The following ANGPT1 variants were observed in gnomAD, a reference collection of about 807,000 sequenced individuals.
ANGPT1 encodes the protein angiopoietin 1.
In ANGPT1, 17 loss-of-function variants were observed where a neutral mutation model predicts 62.2. That is an observed-to-expected ratio of 0.27 (90% CI 0.19 to 0.41). The LOEUF (loss-of-function observed/expected upper bound fraction) is 0.41. ANGPT1 is among the 10% of genes least tolerant of loss of function. The probability of loss-of-function intolerance (pLI) is 1.00; values close to 1 mark genes in which losing one functional copy is unlikely to be tolerated. For synonymous variants in ANGPT1, 199 were observed against 198.9 expected, an observed-to-expected ratio of 1.00 and a Z score of 0.00; for missense variants, 478 against 594.9, an observed-to-expected ratio of 0.80 and a Z score of 2.04.
At chr8:107,482,703 A>C (rs558170580) in intron 1 of ANGPT1, among the ~76,000 whole-genome samples, 55 of 152,318 alleles carry the variant, frequency 3.6e-4, no homozygotes, top group South Asian at 2.3e-3. Context: ...ACCTTGTTAA[A>C]TTAAAAAAGA....
chr8:107,352,153 G>A (rs977868527), intron 1 of ANGPT1, among the ~76,000 whole-genome samples: 1 of 152,090 alleles, frequency 6.6e-6, no homozygotes, highest in East Asian at 1.9e-4. Flanking sequence ...AACAAATTCT[G>A]ATAACATACA....
intron 1 of ANGPT1, among the ~76,000 whole-genome samples, chr8:107,370,181 A>AAGAAAGAG (rs1816356003): frequency 9.0e-6 from 1 of 110,704 alleles, no homozygotes; most frequent in South Asian, 3.2e-4. Context: ...AGAAAGAAGA[A>AAGAAAGAG]AGAAAGAAAG....
At chr8:107,463,706 C>T (rs1812128582) in intron 1 of ANGPT1, among the ~76,000 whole-genome samples, 1 of 151,952 alleles carries the variant, frequency 6.6e-6, no homozygotes, top group Non-Finnish European at 1.5e-5. Flanking sequence ...TATATATAAT[C>T]AATTCCCATG....
intron 4 of ANGPT1, among the ~76,000 whole-genome samples, chr8:107,321,534 A>C (rs1449710761): frequency 1.3e-5 from 2 of 152,162 alleles, no homozygotes; most frequent in Admixed American, 1.3e-4. Flanking sequence ...AGCACTATGA[A>C]CTAATTTTTA....
chr8:107,268,582 C>T (rs1468174329), intron 7 of ANGPT1, among the ~76,000 whole-genome samples: 1 of 151,966 alleles, frequency 6.6e-6, no homozygotes, highest in Non-Finnish European at 1.5e-5. Flanking sequence ...GTCTTAATTC[C>T]TATTATTCCT....
At chr8:107,401,104 A>T (rs1251871350) in intron 1 of ANGPT1, among the ~76,000 whole-genome samples, 2 of 152,152 alleles carry the variant, frequency 1.3e-5, no homozygotes, top group East Asian at 1.9e-4. Flanking sequence ...GCTGACTGGC[A>T]TAGCGTTTTG....
chr8:107,448,903 A>G (rs1027746381), intron 1 of ANGPT1, among the ~76,000 whole-genome samples: 52 of 152,238 alleles, frequency 3.4e-4, no homozygotes, highest in Middle Eastern at 6.8e-3. Context: ...AAGTTTGGAC[A>G]CAGAGAGATT....
At chr8:107,334,092 T>C (rs1194027276) in intron 3 of ANGPT1, among the ~76,000 whole-genome samples, 1 of 151,098 alleles carries the variant, frequency 6.6e-6, no homozygotes, top group Non-Finnish European at 1.5e-5. Context: ...AGTACCTGAG[T>C]ACAAGTGGTG....
intron 2 of ANGPT1, among the ~76,000 whole-genome samples, chr8:107,338,353 T>A (rs927580410): frequency 2.6e-5 from 4 of 152,210 alleles, no homozygotes; most frequent in African/African-American, 9.6e-5. Context: ...CAGAATATCA[T>A]TTAAAAATAA....
chr8:107,460,018 T>A (rs773072647), intron 1 of ANGPT1, among the ~76,000 whole-genome samples: 1 of 152,172 alleles, frequency 6.6e-6, no homozygotes, highest in South Asian at 2.1e-4. Flanking sequence ...GAAAACACGC[T>A]GAAAGCATCA....
At chr8:107,411,157 G>T (rs1817260596) in intron 1 of ANGPT1, among the ~76,000 whole-genome samples, 1 of 152,064 alleles carries the variant, frequency 6.6e-6, no homozygotes, top group Non-Finnish European at 1.5e-5. Flanking sequence ...TGTCCAAGGA[G>T]AGAATGGCTA....
intron 1 of ANGPT1, among the ~76,000 whole-genome samples, chr8:107,435,431 G>A (rs909720081): frequency 2.6e-5 from 4 of 152,168 alleles, no homozygotes; most frequent in Non-Finnish European, 5.9e-5. Context: ...ATGTGTACAA[G>A]AATTAACAGA....
chr8:107,325,633 C>T (rs1016872526), intron 3 of ANGPT1, among the ~76,000 whole-genome samples: 1 of 151,926 alleles, frequency 6.6e-6, no homozygotes, highest in Non-Finnish European at 1.5e-5. Context: ...TGCTAAGTGC[C>T]AATAATTCTG....
At chr8:107,396,517 C>CTTTTTTTTTTTTTTTTTTTTTT (rs10686360) in intron 1 of ANGPT1, among the ~76,000 whole-genome samples, 6 of 84,828 alleles carry the variant, frequency 7.1e-5, no homozygotes, top group East Asian at 4.1e-4. Context: ...TCTTTTCTCT[C>CTTTTTTTTTTTTTTTTTTTTTT]TTTTTTTTTT....
At chr8:107,428,931 C>T (rs1811107574) in intron 1 of ANGPT1, among the ~76,000 whole-genome samples, 1 of 152,142 alleles carries the variant, frequency 6.6e-6, no homozygotes, top group South Asian at 2.1e-4. Flanking sequence ...TGCCTTTCAT[C>T]CATTTTGAAA....
rs5893847 is a variant in ANGPT1, at chr8:107,342,999, C to CT, written c.453+3942dup. Among the ~76,000 whole-genome samples the CT allele has an allele frequency of 4.4e-3, 552 of 124,742 alleles. 3 individuals are homozygous for CT. The highest frequency in any genetic ancestry group is 0.015 in the East Asian group (66 of 4,300). 81.8% of individuals were successfully genotyped at this position (124,742 alleles called of 152,430 possible). A position where few individuals can be genotyped will look rare whatever the true frequency, so the allele number is the denominator to read the frequency against. ...TACAGGCACGCATTACCATGCCTGG[C>CT]TTTTTTTTTTTTTTTTGTAGAGATA... On this transcript the variant is annotated intron_variant, in intron 2 of 8. Transcript: ENST00000517746.
intron 1 of ANGPT1, among the ~76,000 whole-genome samples, chr8:107,409,956 TCCATCC>T (rs1317376962): frequency 1.3e-5 from 2 of 151,778 alleles, no homozygotes; most frequent in South Asian, 2.1e-4. Flanking sequence ...CATCCATCCA[TCCATCC>T]ATCCATCCAT....
At position 107,321,939 on chromosome 8, in the gene ANGPT1, C is replaced by T; in HGVS notation, c.765G>A (p.Met255Ile). 6.2e-7 allele frequency: 1 copy of T among 1,613,966 alleles called. No individual in the cohort carries two copies. The highest frequency in any genetic ancestry group is 8.5e-7 in the Non-Finnish European group (1 of 1,179,894). ...SVLQKQQLEL[M>I]DTVHNLVNLC... ...GATTGACAAGGTTGTGGACTGTGTC[C>T]ATCAGCTCCAGTTGCTGCTTCTGAA... Residue 255 changes from methionine to isoleucine, a missense_variant, in exon 4 of 9, where the codon ATG (methionine) becomes ATA (isoleucine). Physicochemically the swap from Met to Ile is conservative, Grantham distance 10. Transcript: ENST00000517746.
intron 1 of ANGPT1, among the ~76,000 whole-genome samples, chr8:107,435,514 C>T (rs544308933): frequency 2.6e-4 from 40 of 152,228 alleles, no homozygotes; most frequent in African/African-American, 8.7e-4. Flanking sequence ...AACAAACTTC[C>T]GGGGAGTGTC....
Sources: gnomAD v4.1 joint callset for allele counts (sites outside exome capture counted in the v4.1 genomes callset) on GRCh38, gnomAD v4.1.1 for gene constraint, MANE v1.5 for transcripts, NCBI Gene and HGNC (gene_info 2026-07-23, HGNC 2026-07-21) for gene names.